The following CADM2 variants were observed in gnomAD, a reference collection of about 807,000 sequenced individuals.
CADM2 encodes immunoglobulin superfamily member 4D.
A neutral mutation model predicts 49.8 loss-of-function variants in CADM2; 12 were observed. The observed-to-expected ratio is 0.24, with a 90% CI of 0.15 to 0.39. The LOEUF (loss-of-function observed/expected upper bound fraction) is 0.39, where lower values mean the gene tolerates loss of function less well. Among genes scored for constraint, CADM2 ranks in the 10% least tolerant of loss-of-function variants. The probability of loss-of-function intolerance (pLI) is 1.00; values close to 1 mark genes in which losing one functional copy is unlikely to be tolerated. For missense variants in CADM2, 378 were observed against 492.3 expected (o/e 0.77, Z 2.20); for synonymous variants, 214 against 175.4 (o/e 1.22, Z -1.74).
rs1182575615 is a variant in CADM2, at chr3:85,390,018, T to G, written c.62-336504T>G. ...TTTCATGAAGCCACAATCGGCATAG[T>G]AAATCAAACTAGTGAATATACATAT... On this transcript the variant is annotated intron_variant, in intron 1 of 9. Coordinates refer to ENST00000383699, the MANE Select transcript of CADM2 (RefSeq NM_001167675.2). Among the ~76,000 whole-genome samples, 3 of 152,122 alleles carry G rather than the reference T, an allele frequency of 2.0e-5. 1 individual carries two copies. The East Asian group carries it at 5.8e-4, about 29-fold the overall frequency.
In CADM2 at chr3:85,675,790, T is replaced by G. The variant is rs561765614; in HGVS notation, c.62-50732T>G. On this transcript the variant is annotated intron_variant, in intron 1 of 9. Coordinates refer to ENST00000383699, the MANE Select transcript of CADM2 (RefSeq NM_001167675.2). ...TTGTGACAAAAGTGTTGTCTAAATT[T>G]TATCCTAAAATTTAAGAAGTAAAAG... Among the ~76,000 whole-genome samples the G allele has an allele frequency of 3.9e-5, 6 of 152,258 alleles. No individual in the cohort carries two copies. The East Asian group carries it at 1.2e-3, about 29-fold the overall frequency.
intron 1 of CADM2, among the ~76,000 whole-genome samples, chr3:85,036,161 GTTGT>G (rs2035201645): frequency 6.6e-6 from 1 of 152,094 alleles, no homozygotes; most frequent in Non-Finnish European, 1.5e-5. Flanking sequence ...TTGCTTGTCT[GTTGT>G]TTATCATTCT....
chr3:85,068,635 C>T (rs1321967194), intron 1 of CADM2, among the ~76,000 whole-genome samples: 1 of 152,132 alleles, frequency 6.6e-6, no homozygotes, highest in Non-Finnish European at 1.5e-5. Context: ...AATGGAGCCT[C>T]AGGAACCATT....
chr3:85,134,589 T>G (rs1193853607), intron 1 of CADM2, among the ~76,000 whole-genome samples: 1 of 152,222 alleles, frequency 6.6e-6, no homozygotes. Flanking sequence ...ATCTGTTATT[T>G]TTAGTTGTTG....
rs571803955 is a variant in CADM2 at position 85,906,698 on chromosome 3, C to A, written c.530-5675C>A. ...TTTGCCTCAAGAATTTGTTTGAATTCTTTTTCAGTGCACAAATGAATGTGG... is the reference window on the plus strand; with the variant it reads ...TTTGCCTCAAGAATTTGTTTGAATTATTTTTCAGTGCACAAATGAATGTGG... On this transcript the variant is annotated intron_variant, in intron 5 of 9. Coordinates refer to ENST00000383699, the MANE Select transcript of CADM2 (RefSeq NM_001167675.2). Among the ~76,000 whole-genome samples, 8 of 152,226 alleles carry A rather than the reference C, an allele frequency of 5.3e-5. No homozygotes were observed. In the South Asian group the frequency reaches 1.7e-3, roughly 32 times the overall value.
chr3:84,982,694 C>T (rs1340458214), intron 1 of CADM2, among the ~76,000 whole-genome samples: 2 of 77,772 alleles, frequency 2.6e-5, no homozygotes, highest in Non-Finnish European at 5.1e-5. Flanking sequence ...AGATTGAAAA[C>T]TATAAAGCAT....
At chr3:86,057,193 C>T (rs926252217) in intron 8 of CADM2, among the ~76,000 whole-genome samples, 1 of 152,034 alleles carries the variant, frequency 6.6e-6, no homozygotes, top group African/African-American at 2.4e-5. Context: ...TCTCCAGGGA[C>T]TTTGCTTATG....
At chr3:84,962,347 C>T (rs1400943265) in intron 1 of CADM2, among the ~76,000 whole-genome samples, 3 of 151,830 alleles carry the variant, frequency 2.0e-5, no homozygotes, top group South Asian at 4.2e-4. Context: ...TTATGGCTGC[C>T]TCACATTTAT....
intron 1 of CADM2, among the ~76,000 whole-genome samples, chr3:85,364,434 T>C (rs957676612): frequency 2.6e-5 from 4 of 152,184 alleles, no homozygotes; most frequent in African/African-American, 9.7e-5. Context: ...AGTAGAATTA[T>C]GTCACAGGGA....
intron 1 of CADM2, among the ~76,000 whole-genome samples, chr3:85,110,267 A>T (rs2038400503): frequency 6.6e-6 from 1 of 151,792 alleles, no homozygotes; most frequent in South Asian, 2.1e-4. Flanking sequence ...AGAGAGAGAG[A>T]GAGAGAATAA....
At chr3:85,820,959 C>T (rs1278929570) in intron 3 of CADM2, among the ~76,000 whole-genome samples, 1 of 152,128 alleles carries the variant, frequency 6.6e-6, no homozygotes, top group African/African-American at 2.4e-5. Flanking sequence ...TGACATTTGA[C>T]TTGCAGAATT....
chr3:85,212,076 G>T (rs2041792886), intron 1 of CADM2, among the ~76,000 whole-genome samples: 1 of 151,738 alleles, frequency 6.6e-6, no homozygotes, highest in African/African-American at 2.4e-5. Context: ...AATCTATTTT[G>T]TCTGATACAA....
chr3:85,325,255 G>A (rs2044718652), intron 1 of CADM2, among the ~76,000 whole-genome samples: 1 of 152,148 alleles, frequency 6.6e-6, no homozygotes, highest in Admixed American at 6.5e-5. Context: ...AGAATTAAAT[G>A]AGTTAATGAA....
At chr3:85,259,105 A>G (rs984879433) in intron 1 of CADM2, among the ~76,000 whole-genome samples, 2 of 152,150 alleles carry the variant, frequency 1.3e-5, no homozygotes, top group African/African-American at 4.8e-5. Flanking sequence ...TACAAAGGGA[A>G]ACTAAAACAA....
At chr3:85,734,255 A>G (rs1282347181) in intron 2 of CADM2, among the ~76,000 whole-genome samples, 2 of 152,106 alleles carry the variant, frequency 1.3e-5, no homozygotes, top group East Asian at 3.9e-4. Flanking sequence ...TCTTCAATCA[A>G]GCATCACTCT....
intron 1 of CADM2, among the ~76,000 whole-genome samples, chr3:85,224,486 A>G (rs965393579): frequency 6.6e-6 from 1 of 152,140 alleles, no homozygotes; most frequent in African/African-American, 2.4e-5. Context: ...AGTTCTTCGT[A>G]GAGTCTGGAT....
chr3:85,526,148 T>C (rs1384930473), intron 1 of CADM2, among the ~76,000 whole-genome samples: 3 of 93,680 alleles, frequency 3.2e-5, no homozygotes, highest in Admixed American at 1.3e-4. Flanking sequence ...ATATAGTAAA[T>C]TGGAAATTTT....
At chr3:85,042,951 C>A in intron 1 of CADM2, among the ~76,000 whole-genome samples, 1 of 151,838 alleles carries the variant, frequency 6.6e-6, no homozygotes, top group African/African-American at 2.4e-5. Context: ...AGAGTGAAGA[C>A]CTGAAGAAAT....
chr3:85,189,061 TA>T lies in CADM2; in HGVS notation c.61+229397del, dbSNP rs371086102. 7.3e-3 allele frequency among the ~76,000 whole-genome samples: 676 copies of T among 92,476 alleles called. 4 individuals carry two copies. The highest frequency in any genetic ancestry group is 0.019 in the African/African-American group (596 of 30,974). The allele number at this position is 92,476 out of a possible 152,430, so 60.7% of individuals were successfully genotyped here. The stretch of plus-strand genomic sequence containing the variant: ...AATAATAATAGTAATAATAAATAAA[TA>T]AAATAAATAAATAAATAAATAAATA... On this transcript the variant is annotated intron_variant, in intron 1 of 9. Transcript: ENST00000383699.
Sources: allele counts gnomAD v4.1 joint callset (sites outside exome capture counted in the v4.1 genomes callset), GRCh38; gene constraint gnomAD v4.1.1; transcripts MANE v1.5; gene names NCBI Gene and HGNC (gene_info 2026-07-23, HGNC 2026-07-21).